The following RARB variants were observed in gnomAD, a reference collection of about 807,000 sequenced individuals.
The protein encoded by RARB is retinoic acid receptor beta, also known as HBV-activated protein.
In RARB, 17 loss-of-function variants were observed where a neutral mutation model predicts 51.9. The ratio of observed to expected loss-of-function variants is 0.33; its 90% CI spans 0.22 to 0.49. The LOEUF is 0.49. Ranked by LOEUF, RARB falls within the 20% of genes least tolerant of loss-of-function variation. The pLI is 0.99. For missense variants in RARB, 369 were observed against 550.8 expected (o/e 0.67, Z 3.30); for synonymous variants, 215 against 195.4 (o/e 1.10, Z -0.84).
At chr3:25,196,236 A>G (rs1418866901) in intron 5 of RARB, among the ~76,000 whole-genome samples, 1 of 151,760 alleles carries the variant, frequency 6.6e-6, no homozygotes, top group Non-Finnish European at 1.5e-5. Context: ...TCACCCCACA[A>G]CAGGCCCCAG....
intron 2 of RARB, among the ~76,000 whole-genome samples, chr3:24,880,289 G>C (rs1415215741): frequency 6.6e-6 from 1 of 151,942 alleles, no homozygotes. Context: ...GGAAAAAATA[G>C]AAAGGGCTTG....
At chr3:24,859,870 T>C (rs62228443) in intron 2 of RARB, among the ~76,000 whole-genome samples, 23,258 of 152,192 alleles carry the variant, frequency 0.15, 2,194 homozygotes, top group East Asian at 0.51. Flanking sequence ...AAAACTTTAT[T>C]TGTAGACACT....
chr3:25,458,650 A>G (rs754021307), intron 1 of RARB, among the ~76,000 whole-genome samples: 17 of 152,158 alleles, frequency 1.1e-4, no homozygotes, highest in Non-Finnish European at 2.2e-4. Context: ...GCCAGAAATA[A>G]TGTACTCAAG....
At chr3:25,041,087 A>G (rs931473488) in intron 2 of RARB, among the ~76,000 whole-genome samples, 4 of 152,202 alleles carry the variant, frequency 2.6e-5, no homozygotes, top group African/African-American at 9.7e-5. Context: ...CTTTCTTCTT[A>G]CAACTTAAAA....
At position 25,117,145 on chromosome 3, in the gene RARB, A is replaced by C. The variant is rs150940280; in HGVS notation, c.-327-15016A>C. On this transcript the variant is annotated intron_variant, in intron 3 of 11. Coordinates refer to the RARB transcript ENST00000383772. ...CTGTGCTTAGCACAGGGAATACAGC[A>C]ATAAACAGGGCAGATAGAGCCCGCG... 2.4e-4 allele frequency among the ~76,000 whole-genome samples: 37 copies of C among 152,290 alleles called. No individual in the cohort carries two copies. The East Asian group carries it at 7.0e-3, about 29-fold the overall frequency.
chr3:25,152,135 A>C (rs1700297147), intron 4 of RARB, among the ~76,000 whole-genome samples: 1 of 152,212 alleles, frequency 6.6e-6, no homozygotes, highest in African/African-American at 2.4e-5. Context: ...GTGATTCTAT[A>C]AGCCAGAACA....
rs1701894245 is a variant in RARB, at chr3:25,597,461, C to G, written c.*845C>G. 1 of 152,602 alleles carries G rather than the reference C, an allele frequency of 6.6e-6. No homozygotes were observed. The allele number at this position is 152,602 out of a possible 1,614,324, so 9.5% of individuals were successfully genotyped here. On this transcript the variant is annotated 3_prime_UTR_variant, in exon 8 of 8. Transcript: ENST00000330688. The stretch of plus-strand genomic sequence containing the variant: ...AATGATAGCCTCCAAGGCAGAAACA[C>G]TTTTCAGTGTTAAGTTTTTGTTTAC...
chr3:25,323,526 T>C (rs989775993), intron 5 of RARB, among the ~76,000 whole-genome samples: 1 of 152,218 alleles, frequency 6.6e-6, no homozygotes, highest in African/African-American at 2.4e-5. Flanking sequence ...TCTTATAACA[T>C]ATTCAAAATC....
chr3:24,912,447 G>C (rs1044741688), intron 2 of RARB, among the ~76,000 whole-genome samples: 13 of 152,068 alleles, frequency 8.5e-5, no homozygotes, highest in Non-Finnish European at 1.5e-4. Flanking sequence ...TTATTATTCG[G>C]TGTCCTCAAA....
intron 5 of RARB, among the ~76,000 whole-genome samples, chr3:25,203,962 T>C (rs972586342): frequency 6.6e-6 from 1 of 152,172 alleles, no homozygotes; most frequent in Non-Finnish European, 1.5e-5. Flanking sequence ...TTTCCTGAAT[T>C]TGAATGTTGG....
At chr3:25,364,168 G>C (rs190228369) in intron 5 of RARB, among the ~76,000 whole-genome samples, 2 of 152,038 alleles carry the variant, frequency 1.3e-5, no homozygotes, top group East Asian at 1.9e-4. Context: ...AGATTCTTCT[G>C]TTAGAATCTG....
At chr3:24,874,521 C>T (rs1428454956) in intron 2 of RARB, among the ~76,000 whole-genome samples, 4 of 152,008 alleles carry the variant, frequency 2.6e-5, no homozygotes, top group Non-Finnish European at 5.9e-5. Context: ...GTTTTATCTT[C>T]CTGGTGAAGT....
At chr3:25,320,470 T>C (rs778777839) in intron 5 of RARB, among the ~76,000 whole-genome samples, 2 of 152,122 alleles carry the variant, frequency 1.3e-5, no homozygotes, top group African/African-American at 2.4e-5. Flanking sequence ...CAACCGAAAG[T>C]TTGGCCAATG....
intron 2 of RARB, among the ~76,000 whole-genome samples, chr3:25,466,683 A>G (rs1695447383): frequency 6.6e-6 from 1 of 152,176 alleles, no homozygotes; most frequent in Admixed American, 6.5e-5. Context: ...GCCTCCCTGG[A>G]TTACCCTAGT....
At chr3:25,553,661 G>C (rs1461661058) in intron 3 of RARB, among the ~76,000 whole-genome samples, 1 of 152,134 alleles carries the variant, frequency 6.6e-6, no homozygotes, top group Non-Finnish European at 1.5e-5. Flanking sequence ...GCCCTCCAAA[G>C]GCATTTGGCG....
chr3:25,124,540 G>A (rs1699832961), intron 3 of RARB, among the ~76,000 whole-genome samples: 1 of 152,124 alleles, frequency 6.6e-6, no homozygotes, highest in African/African-American at 2.4e-5. Flanking sequence ...CACCCTTTCT[G>A]GGCCTAATAG....
At chr3:25,492,916 G>T (rs1696815593) in intron 2 of RARB, among the ~76,000 whole-genome samples, 1 of 151,744 alleles carries the variant, frequency 6.6e-6, no homozygotes, top group Admixed American at 6.6e-5. Flanking sequence ...AGATCTTATA[G>T]AAGCCATGGC....
chr3:24,908,661 C>CTGTT (rs1694922433), intron 2 of RARB, among the ~76,000 whole-genome samples: 2 of 47,018 alleles, frequency 4.3e-5, no homozygotes, highest in Non-Finnish European at 9.3e-5. Context: ...GTAACCACAA[C>CTGTT]TGTTTTTTTT....
chr3:25,381,812 G>T (rs1706634854), intron 5 of RARB, among the ~76,000 whole-genome samples: 1 of 152,132 alleles, frequency 6.6e-6, no homozygotes, highest in Non-Finnish European at 1.5e-5. Context: ...CTGGAGGGTG[G>T]GCCAGGAAAT....
Sources: gnomAD v4.1 joint callset for allele counts (sites outside exome capture counted in the v4.1 genomes callset) on GRCh38, gnomAD v4.1.1 for gene constraint, MANE v1.5 for transcripts, NCBI Gene and HGNC (gene_info 2026-07-23, HGNC 2026-07-21) for gene names.